DYRK1A: variants seen among roughly 807,000 people sequenced by gnomAD.
DYRK1A encodes the protein dual specificity tyrosine phosphorylation regulated kinase 1A.
Under a neutral mutation model 79.7 loss-of-function variants are expected in DYRK1A, and 9 were observed. The ratio of observed to expected loss-of-function variants is 0.11; its 90% CI spans 0.07 to 0.20. The LOEUF is 0.20. Among genes scored for constraint, DYRK1A ranks in the 10% least tolerant of loss-of-function variants. The probability of loss-of-function intolerance (pLI) is 1.00; values close to 1 mark genes in which losing one functional copy is unlikely to be tolerated. For missense variants in DYRK1A, 622 were observed against 956.0 expected, an observed-to-expected ratio of 0.65 and a Z score of 4.61; for synonymous variants, 349 against 329.7, an observed-to-expected ratio of 1.06 and a Z score of -0.63.
chr21:37,385,580 G>C (rs529097010), intron 1 of DYRK1A, among the ~76,000 whole-genome samples: 2 of 152,188 alleles, frequency 1.3e-5, no homozygotes, highest in Admixed American at 1.3e-4. Context: ...GTATTCTCTT[G>C]CTTAAAAACA....
intron 2 of DYRK1A, among the ~76,000 whole-genome samples, chr21:37,460,672 T>A (rs1292898727): frequency 2.0e-5 from 3 of 152,216 alleles, no homozygotes; most frequent in African/African-American, 7.2e-5. Flanking sequence ...TACCTTGTTT[T>A]GTACTAAGTA....
At chr21:37,500,854 C>T (rs959094270) in intron 9 of DYRK1A, among the ~76,000 whole-genome samples, 1 of 151,076 alleles carries the variant, frequency 6.6e-6, no homozygotes, top group African/African-American at 2.4e-5. Flanking sequence ...CTGTTTTTTC[C>T]GCAAGTAGTC....
intron 2 of DYRK1A, among the ~76,000 whole-genome samples, chr21:37,465,824 A>G (rs2052006512): frequency 6.6e-6 from 1 of 152,140 alleles, no homozygotes; most frequent in Non-Finnish European, 1.5e-5. Flanking sequence ...GTAACAGCGC[A>G]AGACTCTGTC....
intron 2 of DYRK1A, among the ~76,000 whole-genome samples, chr21:37,440,813 C>G (rs1236049908): frequency 6.6e-6 from 1 of 151,976 alleles, no homozygotes; most frequent in Admixed American, 6.6e-5. Context: ...TGTTTTGTAC[C>G]CCATAATGTT....
At chr21:37,406,731 G>GTGTATCTCTA (rs200882188) in intron 1 of DYRK1A, among the ~76,000 whole-genome samples, 4 of 97,850 alleles carry the variant, frequency 4.1e-5, no homozygotes, top group South Asian at 3.2e-4. Context: ...TTATATCTAT[G>GTGTATCTCTA]TATATCTCTA....
chr21:37,368,229 G>A (rs1165192194), intron 1 of DYRK1A: 1 of 152,152 alleles, frequency 6.6e-6, no homozygotes, highest in African/African-American at 2.4e-5. Context: ...AGTGTCCCCG[G>A]CGGCTCGGGG....
rs2053834994 is a variant in DYRK1A at position 37,514,073 on chromosome 21, C to CT, written c.*1543dup. ...TTACATTCTAAGTGTGTTCAGGCTTCTGAAGGTAAAGGGACACTGGATCCA... is the reference window on the plus strand; with the variant it reads ...TTACATTCTAAGTGTGTTCAGGCTTCTTGAAGGTAAAGGGACACTGGATCCA... On this transcript the variant is annotated 3_prime_UTR_variant, in exon 12 of 12. Transcript: ENST00000647188. 6.6e-6 allele frequency: 1 copy of CT among 152,628 alleles called. No individual in the cohort carries two copies. Among genetic ancestry groups the CT allele is most frequent in the Admixed American group, 6.5e-5 (1 of 15,288 alleles). 9.5% of individuals were successfully genotyped at this position (152,628 alleles called of 1,614,324 possible).
chr21:37,462,103 A>G lies in DYRK1A; in HGVS notation c.11-10581A>G, dbSNP rs183640964. On this transcript the variant is annotated intron_variant, in intron 2 of 11. Transcript: ENST00000647188. ...TCCATGTTTTCCTTTATATTTTAAA[A>G]CATTCATAATAGTGGTTTTGGTCTG... Among the ~76,000 whole-genome samples the G allele has an allele frequency of 2.3e-3, 347 of 152,076 alleles. 3 individuals are homozygous for G. The highest frequency in any genetic ancestry group is 0.015 in the South Asian group (72 of 4,810).
intron 1 of DYRK1A, among the ~76,000 whole-genome samples, chr21:37,378,654 T>C (rs919743334): frequency 3.3e-5 from 5 of 152,252 alleles, no homozygotes; most frequent in African/African-American, 9.6e-5. Context: ...TCTTCTTCAA[T>C]TGAGTGAACA....
intron 3 of DYRK1A, among the ~76,000 whole-genome samples, chr21:37,474,320 TATAAA>T (rs2052325666): frequency 6.6e-6 from 1 of 152,240 alleles, no homozygotes; most frequent in Non-Finnish European, 1.5e-5. Flanking sequence ...ATTTGGATCA[TATAAA>T]ATAAGAGATA....
At chr21:37,381,160 A>C (rs963267685) in intron 1 of DYRK1A, among the ~76,000 whole-genome samples, 5 of 152,230 alleles carry the variant, frequency 3.3e-5, no homozygotes, top group African/African-American at 1.2e-4. Context: ...TGAATGAATC[A>C]GTGAACTACA....
At chr21:37,391,833 A>C (rs550217093) in intron 1 of DYRK1A, among the ~76,000 whole-genome samples, 11 of 152,148 alleles carry the variant, frequency 7.2e-5, no homozygotes, top group Non-Finnish European at 1.5e-4. Context: ...TTGCCTTTGG[A>C]GCATACTGTG....
chr21:37,387,536 C>G (rs1159187446), intron 1 of DYRK1A, among the ~76,000 whole-genome samples: 1 of 152,150 alleles, frequency 6.6e-6, no homozygotes, highest in Non-Finnish European at 1.5e-5. Context: ...TTTTTGTTCC[C>G]TCTTAAGAAC....
At chr21:37,432,472 C>T (rs1038610270) in intron 2 of DYRK1A, among the ~76,000 whole-genome samples, 7 of 152,164 alleles carry the variant, frequency 4.6e-5, no homozygotes, top group Non-Finnish European at 8.8e-5. Flanking sequence ...GTGGCAGCCT[C>T]ACTTTAGAGA....
At position 37,490,164 on chromosome 21, in the gene DYRK1A, TTC is replaced by T; in HGVS notation, c.638-7_638-6del. 1 of 1,606,476 alleles carries T rather than the reference TTC, an allele frequency of 6.2e-7. No individual in the cohort carries two copies. The highest frequency in any genetic ancestry group is 1.7e-4 in the Middle Eastern group (1 of 6,000). On this transcript the variant is annotated splice_polypyrimidine_tract_variant and intron_variant, in intron 6 of 11. Coordinates refer to ENST00000647188, the MANE Select transcript of DYRK1A (RefSeq NM_001347721.2). ...ATATATAATTTAAAATGAAACTGTT[TTC>T]TCTTTCAGTGCATTTGAAACGCCAC...
chr21:37,435,048 C>G (rs1003825347), intron 2 of DYRK1A, among the ~76,000 whole-genome samples: 2 of 152,162 alleles, frequency 1.3e-5, no homozygotes, highest in Non-Finnish European at 2.9e-5. Context: ...GCATGTTATT[C>G]CATGGGATCG....
intron 2 of DYRK1A, among the ~76,000 whole-genome samples, chr21:37,443,388 AC>A (rs2051168125): frequency 6.6e-6 from 1 of 151,674 alleles, no homozygotes. Context: ...GATTTCCCCC[AC>A]CCGTATGGGT....
At chr21:37,434,048 A>G (rs1254780901) in intron 2 of DYRK1A, among the ~76,000 whole-genome samples, 2 of 152,112 alleles carry the variant, frequency 1.3e-5, no homozygotes, top group Non-Finnish European at 2.9e-5. Flanking sequence ...TAGAGAGAAC[A>G]TGGGAAGAAA....
At chr21:37,443,257 G>T (rs1257048035) in intron 2 of DYRK1A, among the ~76,000 whole-genome samples, 1 of 152,070 alleles carries the variant, frequency 6.6e-6, no homozygotes, top group African/African-American at 2.4e-5. Flanking sequence ...AGATCCTCCT[G>T]CTTCAGCCTC....
Sources: gnomAD v4.1 joint callset for allele counts (sites outside exome capture counted in the v4.1 genomes callset) on GRCh38, gnomAD v4.1.1 for gene constraint, MANE v1.5 for transcripts, NCBI Gene and HGNC (gene_info 2026-07-23, HGNC 2026-07-21) for gene names.